The following ARMCX3 variants were observed in gnomAD, a reference collection of about 807,000 sequenced individuals.
The protein encoded by ARMCX3 is armadillo repeat-containing X-linked protein 3.
ARMCX3 carries 3 observed loss-of-function variants against 12.6 expected under a neutral mutation model. The ratio of observed to expected loss-of-function variants is 0.24; its 90% CI spans 0.11 to 0.61. ARMCX3 has a LOEUF of 0.61. Ranked by LOEUF, ARMCX3 falls within the 20% of genes least tolerant of loss-of-function variation. The probability of loss-of-function intolerance (pLI) is 0.88; values close to 1 mark genes in which losing one functional copy is unlikely to be tolerated. For synonymous variants in ARMCX3, 102 were observed against 103.1 expected, an observed-to-expected ratio of 0.99 and a Z score of 0.06; for missense variants, 204 against 286.1, an observed-to-expected ratio of 0.71 and a Z score of 2.07.
In ARMCX3 at chrX:101,625,113, A is replaced by T. The variant is rs782644531; in HGVS notation, c.134A>T (p.Asp45Val). The T allele has an allele frequency of 1.3e-5, 16 of 1,201,169 alleles. No homozygotes were observed. The East Asian group carries it at 4.2e-4, about 31-fold the overall frequency. Residue 45 changes from aspartate to valine, a missense_variant, in exon 5 of 5, where the codon GAT (aspartate) becomes GTT (valine). Transcript: ENST00000471229. Reference protein sequence around the residue: ...KEKMAEGGSGDVDDAGDCSGA... With the variant: ...KEKMAEGGSGVVDDAGDCSGA... ...AAAATGGCTGAGGGTGGATCTGGGG[A>T]TGTGGATGATGCTGGGGACTGTTCT...
rs1935983224 is a variant in ARMCX3 at position 101,626,064 on chromosome X, T to A, written c.1085T>A (p.Val362Asp). 11 of 1,195,665 alleles carry A rather than the reference T, an allele frequency of 9.2e-6. No homozygotes were observed. The highest frequency in any genetic ancestry group is 1.2e-5 in the Non-Finnish European group (11 of 890,254). Residue 362 changes from valine to aspartate, a missense_variant, in exon 5 of 5, where the codon GTT becomes GAT. By Grantham distance (152) the Val-to-Asp change is radical. Coordinates refer to ENST00000471229, the MANE Select transcript of ARMCX3 (RefSeq NM_177947.3). Reference protein sequence around the residue: ...SHHDFLVKVKVGKFMAKLAEH... With the variant: ...SHHDFLVKVKDGKFMAKLAEH... ...CATGATTTTTTGGTGAAAGTAAAAGTTGGAAAATTCATGGCCAAACTTGCT... is the reference window on the plus strand; with the variant it reads ...CATGATTTTTTGGTGAAAGTAAAAGATGGAAAATTCATGGCCAAACTTGCT...
Position 101,627,686 on chromosome X carries a change from C to T in ARMCX3, c.*1567C>T, listed in dbSNP as rs1936008601. ...ATGCAAAGTACTTACAATGTTCTGG[C>T]ACATAGTAATTAATTAAGAAAATCG... is the stretch of plus-strand genomic sequence containing the variant. On this transcript the variant is annotated 3_prime_UTR_variant, in exon 5 of 5. Coordinates refer to ENST00000471229, the MANE Select transcript of ARMCX3 (RefSeq NM_177947.3). The T allele has an allele frequency of 8.1e-6, 1 of 124,062 alleles. No homozygotes were observed. Among genetic ancestry groups the T allele is most frequent in the Non-Finnish European group, 1.9e-5 (1 of 53,402 alleles). 10.2% of individuals were successfully genotyped at this position (124,062 alleles called of 1,213,427 possible). A position where few individuals can be genotyped will look rare whatever the true frequency, so the allele number is the denominator to read the frequency against.
Position 101,625,746 on chromosome X carries a change from A to C in ARMCX3, c.767A>C (p.Asn256Thr), listed in dbSNP as rs1556038598. Residue 256 changes from asparagine (N) to threonine (T), a missense_variant, in exon 5 of 5, where the codon AAT (asparagine) becomes ACT (threonine). By Grantham distance (65) the Asn-to-Thr change is moderately conservative. Transcript: ENST00000471229. The stretch of plus-strand genomic sequence containing the variant: ...TTTTTTCGTTTATTTTCAGCGGGAA[A>C]TGAAGAAACCAAACTTCAGGTTCTG... ...SDFFRLFSAG[N>T]EETKLQVLKL... 8.5e-7 allele frequency: 1 copy of C among 1,179,121 alleles called. No homozygotes were observed. Among genetic ancestry groups the C allele is most frequent in the African/African-American group, 1.8e-5 (1 of 55,972 alleles).
In ARMCX3 at chrX:101,625,026, T is replaced by C. The variant is rs1556038252; in HGVS notation, c.47T>C (p.Ile16Thr). 8.7e-7 allele frequency: 1 copy of C among 1,145,936 alleles called. No individual in the cohort carries two copies. Among genetic ancestry groups the C allele is most frequent in the Non-Finnish European group, 1.2e-6 (1 of 865,162 alleles). The allele number at this position is 1,145,936 out of a possible 1,213,427, so 94.4% of individuals were successfully genotyped here. ...GGCTGGGTGACCGCAGGCCTGGTGA[T>C]TGGGGCTGGCGCCTGCTATTGCATT... Reference protein sequence around the residue: ...KVGWVTAGLVIGAGACYCIYR... With the variant: ...KVGWVTAGLVTGAGACYCIYR... The change falls in exon 5 of 5, where the codon ATT becomes ACT. Residue 16 changes from isoleucine to threonine, a missense_variant. By Grantham distance (89) the Ile-to-Thr change is moderately conservative. Transcript: ENST00000471229.
chrX:101,624,867 A>C lies in ARMCX3; in HGVS notation c.-113A>C. 1.4e-6 allele frequency: 1 copy of C among 705,949 alleles called. No homozygotes were observed. The highest frequency in any genetic ancestry group is 2.0e-6 in the Non-Finnish European group (1 of 506,924). 58.2% of individuals were successfully genotyped at this position (705,949 alleles called of 1,213,427 possible). On this transcript the variant is annotated 5_prime_UTR_variant, in exon 5 of 5. Transcript: ENST00000471229. ...CCAGAATCAGCTCTTGTGGCCTTGAAGTGGCTGAAGACGATCACCCTCCAC... is the reference window on the plus strand; with the variant it reads ...CCAGAATCAGCTCTTGTGGCCTTGACGTGGCTGAAGACGATCACCCTCCAC...
rs1556038640 is a variant in ARMCX3, at chrX:101,625,833, T to C, written c.854T>C (p.Val285Ala). ...ACTAGGGAACTGCTCAGGGCCCAAGTACCATCTTCACTGGGCTCCCTCTTT... is the reference window on the plus strand; with the variant it reads ...ACTAGGGAACTGCTCAGGGCCCAAGCACCATCTTCACTGGGCTCCCTCTTT... ...AMTRELLRAQ[V>A]PSSLGSLFNK... The change falls in exon 5 of 5, where the codon GTA (valine) becomes GCA (alanine). Residue 285 changes from valine (V) to alanine (A), a missense_variant. Transcript: ENST00000471229. 1.7e-6 allele frequency: 2 copies of C among 1,207,456 alleles called. No homozygotes were observed. Among genetic ancestry groups the C allele is most frequent in the Admixed American group, 4.4e-5 (2 of 45,549 alleles).
intron 1 of ARMCX3, 188 bp from the exon 2 acceptor site, chrX:101,623,626 A>G (rs1556037936): frequency 1.8e-5 from 2 of 111,203 alleles, no homozygotes; most frequent in African/African-American, 6.6e-5. Context: ...CAGAACCCCA[A>G]GAGAGGTAAT....
At chrX:101,623,367 C>A in intron 1 of ARMCX3, 91 bp downstream of exon 1, 1 of 114,447 alleles carries the variant, frequency 8.7e-6, no homozygotes, top group Non-Finnish European at 1.9e-5. Context: ...GTCGTCTCTC[C>A]CACTCGCCGC....
chrX:101,626,073 T>A lies in ARMCX3; in HGVS notation c.1094T>A (p.Phe365Tyr). The change falls in exon 5 of 5, where the codon TTC (phenylalanine) becomes TAC (tyrosine). Residue 365 changes from phenylalanine (F) to tyrosine (Y), a missense_variant. Transcript: ENST00000471229. ...DFLVKVKVGK[F>Y]MAKLAEHMFP... ...TTGGTGAAAGTAAAAGTTGGAAAATTCATGGCCAAACTTGCTGAACATATG... is the reference window on the plus strand; with the variant it reads ...TTGGTGAAAGTAAAAGTTGGAAAATACATGGCCAAACTTGCTGAACATATG... 2 of 1,193,408 alleles carry A rather than the reference T, an allele frequency of 1.7e-6. No homozygotes were observed. Among genetic ancestry groups the A allele is most frequent in the Non-Finnish European group, 2.2e-6 (2 of 889,352 alleles).
rs1351427709 is a variant in ARMCX3, at chrX:101,626,625, A to C, written c.*506A>C. On this transcript the variant is annotated 3_prime_UTR_variant, in exon 5 of 5. Transcript: ENST00000471229. ...CCCTCTGAGAGCACAGAGGAGGCAA[A>C]AGCTTCTGTGGGATGTGCTAGTCGG... 2 of 123,482 alleles carry C rather than the reference A, an allele frequency of 1.6e-5. No individual in the cohort carries two copies. Among genetic ancestry groups the C allele is most frequent in the Non-Finnish European group, 3.7e-5 (2 of 53,434 alleles). 10.2% of individuals were successfully genotyped at this position (123,482 alleles called of 1,213,427 possible).
chrX:101,623,417 G>C (rs782098464), intron 1 of ARMCX3, 141 bp downstream of exon 1: 2 of 112,579 alleles, frequency 1.8e-5, no homozygotes, highest in African/African-American at 6.4e-5. Context: ...AGCCCATTTC[G>C]ATGCTGCGAA....
Position 101,625,606 on chromosome X carries a change from T to A in ARMCX3, c.627T>A (p.Asp209Glu). 5.0e-6 allele frequency: 6 copies of A among 1,195,999 alleles called. No homozygotes were observed. The highest frequency in any genetic ancestry group is 6.8e-6 in the Non-Finnish European group (6 of 888,831). Reference protein sequence around the residue: ...RLKVYMNQVCDDTITSRLNSS... With the variant: ...RLKVYMNQVCEDTITSRLNSS... ...AAGTATACATGAATCAAGTGTGTGA[T>A]GACACAATCACTTCTCGCTTGAACT... The change falls in exon 5 of 5, where the codon GAT (aspartate) becomes GAA (glutamate). Residue 209 changes from aspartate (D) to glutamate (E), a missense_variant. Physicochemically the swap from Asp to Glu is conservative, Grantham distance 45. Transcript: ENST00000471229.
Position 101,624,161 on chromosome X carries a change from T to A in ARMCX3, c.-275T>A, listed in dbSNP as rs2147766080. 1 of 110,184 alleles carries A rather than the reference T, an allele frequency of 9.1e-6. No homozygotes were observed. Among genetic ancestry groups the A allele is most frequent in the Admixed American group, 9.6e-5 (1 of 10,390 alleles). 9.1% of individuals were successfully genotyped at this position (110,184 alleles called of 1,213,427 possible). On this transcript the variant is annotated 5_prime_UTR_variant, in exon 3 of 5. Coordinates refer to ENST00000471229, the MANE Select transcript of ARMCX3 (RefSeq NM_177947.3). ...TTTTCGATCTGTCATCCTGCAGGTC[T>A]GCTGTAGCAGGTGGCTCCGCTTGAA... is the stretch of plus-strand genomic sequence containing the variant.
Position 101,627,105 on chromosome X carries a change from G to A in ARMCX3, c.*986G>A, listed in dbSNP as rs1015779939. 1 of 122,997 alleles carries A rather than the reference G, an allele frequency of 8.1e-6. No individual in the cohort carries two copies. The highest frequency in any genetic ancestry group is 1.9e-5 in the Non-Finnish European group (1 of 53,240). The allele number at this position is 122,997 out of a possible 1,213,427, so 10.1% of individuals were successfully genotyped here. A position where few individuals can be genotyped will look rare whatever the true frequency, so the allele number is the denominator to read the frequency against. On this transcript the variant is annotated 3_prime_UTR_variant, in exon 5 of 5. Coordinates refer to ENST00000471229, the MANE Select transcript of ARMCX3 (RefSeq NM_177947.3). ...ATTGCCCAAAGATTGTATGTATGAG[G>A]CTGTTCATCCCAGCACTGTCTAAGC...
In ARMCX3 at chrX:101,625,056, G is replaced by A. The variant is rs782347784; in HGVS notation, c.77G>A (p.Arg26Lys). Residue 26 changes from arginine (R) to lysine (K), a missense_variant, in exon 5 of 5, where the codon AGA becomes AAA. Coordinates refer to ENST00000471229, the MANE Select transcript of ARMCX3 (RefSeq NM_177947.3). ...IGAGACYCIYRLTRGRKQNKE... is the reference protein window; with the variant it reads ...IGAGACYCIYKLTRGRKQNKE... ...GCTGGCGCCTGCTATTGCATTTATA[G>A]ACTGACTAGGGGAAGAAAACAGAAC... 1 of 1,175,434 alleles carries A rather than the reference G, an allele frequency of 8.5e-7. No individual in the cohort carries two copies. Among genetic ancestry groups the A allele is most frequent in the Non-Finnish European group, 1.1e-6 (1 of 878,260 alleles).
chrX:101,625,090 A>G lies in ARMCX3; in HGVS notation c.111A>G (p.Lys37=). 8.4e-7 allele frequency: 1 copy of G among 1,193,137 alleles called. No individual in the cohort carries two copies. The highest frequency in any genetic ancestry group is 1.1e-6 in the Non-Finnish European group (1 of 887,259). The stretch of plus-strand genomic sequence containing the variant: ...GGGGAAGAAAACAGAACAAGGAAAA[A>G]ATGGCTGAGGGTGGATCTGGGGATG... ...LTRGRKQNKE[K]MAEGGSGDVD... is the part of the protein sequence containing the mutation. Residue 37 remains lysine (K), a synonymous_variant, in exon 5 of 5, where the codon AAA becomes AAG. Transcript: ENST00000471229.
rs1474469675 is a variant in ARMCX3, at chrX:101,624,977, T to A, written c.-3T>A. On this transcript the variant is annotated 5_prime_UTR_variant, in exon 5 of 5. Transcript: ENST00000471229. ...GGTCCCTGCTATTGTCGGGGACGAT[T>A]GCATGGGCTACGCCAGGAAAGTAGG... 8.9e-7 allele frequency: 1 copy of A among 1,124,484 alleles called. No homozygotes were observed. The highest frequency in any genetic ancestry group is 1.2e-6 in the Non-Finnish European group (1 of 855,474). 92.7% of individuals were successfully genotyped at this position (1,124,484 alleles called of 1,213,427 possible). A position where few individuals can be genotyped will look rare whatever the true frequency, so the allele number is the denominator to read the frequency against.
At chrX:101,623,372 C>T in intron 1 of ARMCX3, 96 bp downstream of exon 1, 1 of 113,086 alleles carries the variant, frequency 8.8e-6, no homozygotes, top group Non-Finnish European at 1.9e-5. Flanking sequence ...CTCTCCCACT[C>T]GCCGCCCGCT....
chrX:101,623,972 G>A (rs1305492599), intron 2 of ARMCX3, 79 bp downstream of exon 2: 2 of 111,029 alleles, frequency 1.8e-5, no homozygotes, highest in African/African-American at 6.6e-5. Flanking sequence ...AATAATCTAG[G>A]TACATGTCTG....
Sources: gnomAD v4.1 joint callset for allele counts on GRCh38, gnomAD v4.1.1 for gene constraint, MANE v1.5 for transcripts, NCBI Gene and HGNC (gene_info 2026-07-23, HGNC 2026-07-21) for gene names.